Variants in TNFSF11 observed in about 807,000 individuals in gnomAD.
The protein encoded by TNFSF11 is TNF superfamily member 11.
In TNFSF11, 12 loss-of-function variants were observed where a neutral mutation model predicts 32.2. That is an observed-to-expected ratio of 0.37 (90% confidence interval 0.24 to 0.60). The LOEUF is 0.60. TNFSF11 is among the 20% of genes least tolerant of loss of function. The probability of loss-of-function intolerance (pLI) is 0.66; values close to 1 mark genes in which losing one functional copy is unlikely to be tolerated. For synonymous variants in TNFSF11, 172 were observed against 152.1 expected (o/e 1.13, Z -0.96); for missense variants, 345 against 398.0 (o/e 0.87, Z 1.13).
At chr13:42,580,945 C>G (rs972479951) in intron 1 of TNFSF11, among the ~76,000 whole-genome samples, 181 bp from the exon 2 acceptor site, 1 of 152,176 alleles carries the variant, frequency 6.6e-6, no homozygotes, top group Non-Finnish European at 1.5e-5. Context: ...GTCAGTTACT[C>G]GTTCAAATGA....
intron 2 of TNFSF11, among the ~76,000 whole-genome samples, chr13:42,594,416 C>T (rs1594474061): frequency 6.6e-6 from 1 of 151,566 alleles, no homozygotes; most frequent in South Asian, 2.1e-4. Context: ...AAAAAAAAAA[C>T]ACTGTAGTAA....
At chr13:42,581,372 T>C (rs1594463482) in intron 2 of TNFSF11, 79 bp downstream of exon 2, 10 of 1,452,892 alleles carry the variant, frequency 6.9e-6, no homozygotes, top group Non-Finnish European at 9.6e-6. Context: ...GGCTAAGTGC[T>C]GTTGACTCTG....
chr13:42,591,497 G>C (rs940543135), intron 2 of TNFSF11, among the ~76,000 whole-genome samples: 1 of 152,100 alleles, frequency 6.6e-6, no homozygotes, highest in African/African-American at 2.4e-5. Context: ...CGGAACCTAG[G>C]CTGAGAAGGG....
At chr13:42,592,869 C>A (rs543659753) in intron 2 of TNFSF11, among the ~76,000 whole-genome samples, 1 of 152,142 alleles carries the variant, frequency 6.6e-6, no homozygotes, top group East Asian at 1.9e-4. Context: ...GCACTCACTC[C>A]GTCCTGCCAC....
chr13:42,583,155 A>G (rs1375472878), intron 2 of TNFSF11, among the ~76,000 whole-genome samples: 2 of 152,096 alleles, frequency 1.3e-5, no homozygotes, highest in East Asian at 3.8e-4. Flanking sequence ...TCACACTTGT[A>G]ATCCCAGCAC....
intron 2 of TNFSF11, among the ~76,000 whole-genome samples, chr13:42,600,161 T>A (rs1869090322): frequency 1.3e-5 from 2 of 152,232 alleles, no homozygotes; most frequent in Admixed American, 1.3e-4. Flanking sequence ...TTCTGGCTTG[T>A]GCTTCTAATC....
chr13:42,600,363 GC>G (rs1869102190), intron 2 of TNFSF11, among the ~76,000 whole-genome samples: 1 of 152,198 alleles, frequency 6.6e-6, no homozygotes, highest in Non-Finnish European at 1.5e-5. Context: ...CATGAAAAGA[GC>G]CTTCCAGAAG....
intron 2 of TNFSF11, among the ~76,000 whole-genome samples, chr13:42,596,428 C>T (rs932852196): frequency 7.9e-5 from 12 of 152,184 alleles, no homozygotes; most frequent in African/African-American, 2.9e-4. Context: ...GGGAGGGAGT[C>T]ACGCTAGGGA....
At chr13:42,596,137 G>C (rs931554763) in intron 2 of TNFSF11, among the ~76,000 whole-genome samples, 4 of 152,192 alleles carry the variant, frequency 2.6e-5, no homozygotes, top group African/African-American at 9.7e-5. Flanking sequence ...TCTTTGAGAA[G>C]ATGGCAACAT....
At chr13:42,571,698 G>A (rs770331044), upstream of TNFSF11, 6 of 152,074 alleles carry the variant, frequency 3.9e-5, no homozygotes, top group Non-Finnish European at 8.8e-5. Context: ...TCAGAGTTTC[G>A]ACTTTATCAA....
chr13:42,590,709 T>G (rs922763342), intron 2 of TNFSF11, among the ~76,000 whole-genome samples: 1 of 152,218 alleles, frequency 6.6e-6, no homozygotes, highest in Non-Finnish European at 1.5e-5. Context: ...AGTAGTATAG[T>G]ATAAGACATT....
chr13:42,596,817 T>C (rs1246947700), intron 2 of TNFSF11, among the ~76,000 whole-genome samples: 2 of 152,244 alleles, frequency 1.3e-5, no homozygotes, highest in Admixed American at 6.5e-5. Context: ...TTAGTAACAA[T>C]GCTTCTCAAT....
chr13:42,599,349 C>CTATTATCTATCTATCT (rs11385072), intron 2 of TNFSF11, among the ~76,000 whole-genome samples: 23 of 112,186 alleles, frequency 2.1e-4, no homozygotes, highest in African/African-American at 7.1e-4. Flanking sequence ...ATCTATCTAT[C>CTATTATCTATCTATCT]ATCTATCTAT....
At chr13:42,598,047 A>G (rs1300956753) in intron 2 of TNFSF11, among the ~76,000 whole-genome samples, 1 of 152,040 alleles carries the variant, frequency 6.6e-6, no homozygotes, top group East Asian at 1.9e-4. Context: ...AGGTCTCCTT[A>G]TGTTGCCCAA....
At chr13:42,601,934 A>G (rs190363850) in intron 4 of TNFSF11, among the ~76,000 whole-genome samples, 1 of 152,356 alleles carries the variant, frequency 6.6e-6, no homozygotes, top group East Asian at 1.9e-4. Context: ...TGATGATGAT[A>G]GGATTAGAAG....
chr13:42,594,415 A>G (rs566373768), intron 2 of TNFSF11, among the ~76,000 whole-genome samples: 2 of 152,216 alleles, frequency 1.3e-5, no homozygotes, highest in African/African-American at 4.8e-5. Flanking sequence ...GAAAAAAAAA[A>G]CACTGTAGTA....
rs17063448 is a variant in TNFSF11, at chr13:42,587,455, A to G, written c.387+6162A>G. On this transcript the variant is annotated intron_variant, in intron 2 of 4. Coordinates refer to ENST00000398795, the MANE Select transcript of TNFSF11 (RefSeq NM_003701.4). ...ATTTAGGTAGGAAGGAGGACTCACC[A>G]TATATAAGCAAGAGTTAACTCTGAG... Among the ~76,000 whole-genome samples the G allele has an allele frequency of 7.2e-3, 1,100 of 152,344 alleles. 11 individuals are homozygous for G. Among genetic ancestry groups the G allele is most frequent in the African/African-American group, 0.025 (1,046 of 41,578 alleles).
Position 42,606,753 on chromosome 13 carries a change from T to C in TNFSF11, c.789T>C (p.Tyr263=). ...HTLMKGGSTK[Y]WSGNSEFHFY... ...TGATGAAAGGAGGAAGCACCAAGTA[T>C]TGGTCAGGGAATTCTGAATTCCATT... Residue 263 remains tyrosine, a synonymous_variant, in exon 5 of 5, where the codon TAT becomes TAC. Coordinates refer to ENST00000398795, the MANE Select transcript of TNFSF11 (RefSeq NM_003701.4). 1.2e-6 allele frequency: 2 copies of C among 1,614,196 alleles called. No homozygotes were observed. Among genetic ancestry groups the C allele is most frequent in the African/African-American group, 1.3e-5 (1 of 75,048 alleles).
chr13:42,604,701 G>A (rs941393809), intron 4 of TNFSF11, among the ~76,000 whole-genome samples: 1 of 152,208 alleles, frequency 6.6e-6, no homozygotes, highest in Non-Finnish European at 1.5e-5. Flanking sequence ...TGGGCCTCTA[G>A]AGAAGGATGT....
Sources: gnomAD v4.1 joint callset for allele counts (sites outside exome capture counted in the v4.1 genomes callset) on GRCh38, gnomAD v4.1.1 for gene constraint, MANE v1.5 for transcripts, NCBI Gene and HGNC (gene_info 2026-07-23, HGNC 2026-07-21) for gene names.